Variants in TNRC6A observed in about 807,000 individuals in gnomAD.
The protein encoded by TNRC6A is trinucleotide repeat containing adaptor 6A.
In TNRC6A, 44 loss-of-function variants were observed where a neutral mutation model predicts 221.2. That is an observed-to-expected ratio of 0.20 (90% CI 0.16 to 0.26). The LOEUF (loss-of-function observed/expected upper bound fraction) is 0.26, where lower values mean the gene tolerates loss of function less well. Among genes scored for constraint, TNRC6A ranks in the 10% least tolerant of loss-of-function variants. The probability of loss-of-function intolerance (pLI) is 1.00; values close to 1 mark genes in which losing one functional copy is unlikely to be tolerated. For synonymous variants in TNRC6A, 847 were observed against 838.5 expected (o/e 1.01, Z -0.18); for missense variants, 2,199 against 2,404.4 (o/e 0.91, Z 1.79).
At chr16:24,762,395 T>C (rs1279395659) in intron 4 of TNRC6A, among the ~76,000 whole-genome samples, 1 of 152,260 alleles carries the variant, frequency 6.6e-6, no homozygotes, top group Non-Finnish European at 1.5e-5. Flanking sequence ...GCACCTTCTA[T>C]GTGCCAGGCA....
chr16:24,710,779 G>A lies in TNRC6A; in HGVS notation n.403-39947G>A, dbSNP rs184765248. 2.7e-3 allele frequency among the ~76,000 whole-genome samples: 405 copies of A among 148,538 alleles called. 3 individuals carry two copies. The highest frequency in any genetic ancestry group is 3.1e-3 in the Non-Finnish European group (211 of 67,480). ...CTCTGTCGCCCAGGCTGGTGCGATC[G>A]TGGCTCACTGCAACCTCCGCCTCCC... On this transcript the variant is annotated intron_variant and non_coding_transcript_variant, in intron 2 of 2. Transcript: ENST00000566108.
chr16:24,715,001 C>T (rs1170648797), intron 2 of TNRC6A, among the ~76,000 whole-genome samples: 3 of 151,732 alleles, frequency 2.0e-5, no homozygotes, highest in African/African-American at 4.8e-5. Context: ...CTCAGCCTCC[C>T]GAGTAGCTGT....
chr16:24,728,678 ATTG>A (rs1399059280), upstream of TNRC6A, among the ~76,000 whole-genome samples: 17 of 152,314 alleles, frequency 1.1e-4, no homozygotes, highest in African/African-American at 3.4e-4. Flanking sequence ...ATGTATGTGT[ATTG>A]TTGTATCTAC....
chr16:24,702,974 G>T (rs1299627676), intron 2 of TNRC6A, among the ~76,000 whole-genome samples: 1 of 152,056 alleles, frequency 6.6e-6, no homozygotes, highest in Non-Finnish European at 1.5e-5. Context: ...GGCAGAGCTT[G>T]CAGTGAGCCG....
chr16:24,687,846 A>AGAG (rs1276653933), intron 2 of TNRC6A, among the ~76,000 whole-genome samples: 250 of 146,938 alleles, frequency 1.7e-3, no homozygotes, highest in Non-Finnish European at 2.6e-3. Flanking sequence ...AGGAAGAGGA[A>AGAG]GAAGAAGAAG....
chr16:24,709,755 G>GTCGAT, intron 2 of TNRC6A, among the ~76,000 whole-genome samples: 1 of 146,340 alleles, frequency 6.8e-6, no homozygotes, highest in East Asian at 2.1e-4. Context: ...AGCCCAGGAG[G>GTCGAT]TCGAGACTGC....
intron 1 of TNRC6A, among the ~76,000 whole-genome samples, chr16:24,639,498 A>G (rs1361286282): frequency 6.6e-6 from 1 of 152,160 alleles, no homozygotes; most frequent in African/African-American, 2.4e-5. Context: ...CTCTCAAAAA[A>G]CATGAGAAAG....
intron 2 of TNRC6A, among the ~76,000 whole-genome samples, chr16:24,735,107 C>T (rs1459635146): frequency 2.6e-5 from 4 of 152,130 alleles, no homozygotes; most frequent in Non-Finnish European, 5.9e-5. Flanking sequence ...CATGGTGAGA[C>T]CCCGTCTCTA....
chr16:24,733,850 C>T lies in TNRC6A; in HGVS notation c.53+3550C>T, dbSNP rs534448105. On this transcript the variant is annotated intron_variant, in intron 2 of 24. Transcript: ENST00000395799. Reference sequence around the variant, plus strand: ...GAAAACTAGCGATCTAGGCAAGAAGCGATGGAGGCCTGAATTGAAGTGGTG... The same window carrying T: ...GAAAACTAGCGATCTAGGCAAGAAGTGATGGAGGCCTGAATTGAAGTGGTG... Among the ~76,000 whole-genome samples the T allele has an allele frequency of 5.3e-5, 8 of 152,184 alleles. No homozygotes were observed. In the South Asian group the frequency reaches 6.2e-4, roughly 12 times the overall value.
rs578002884 is a variant in TNRC6A, at chr16:24,826,069, T to C, written c.*2262T>C. 8 of 152,822 alleles carry C rather than the reference T, an allele frequency of 5.2e-5. No individual in the cohort carries two copies. The East Asian group carries it at 5.8e-4, about 11-fold the overall frequency. The allele number at this position is 152,822 out of a possible 1,614,324, so 9.5% of individuals were successfully genotyped here. A position where few individuals can be genotyped will look rare whatever the true frequency, so the allele number is the denominator to read the frequency against. On this transcript the variant is annotated 3_prime_UTR_variant, in exon 25 of 25. Transcript: ENST00000395799. ...AACCAAAGGTAGCTTTGAAAAACCA[T>C]GTCTGGAAATGTTTGGAGCGTTAAG...
At chr16:24,776,175 A>G (rs2057714278) in intron 4 of TNRC6A, 1 of 812,374 alleles carries the variant, frequency 1.2e-6, no homozygotes, top group Non-Finnish European at 1.5e-6. Flanking sequence ...AACTGGGTTT[A>G]CTTACACTAG....
Position 24,804,710 on chromosome 16 carries a change from C to T in TNRC6A, c.3843C>T (p.Gly1281=). 1 of 1,588,740 alleles carries T rather than the reference C, an allele frequency of 6.3e-7. No individual in the cohort carries two copies. The highest frequency in any genetic ancestry group is 8.5e-7 in the Non-Finnish European group (1 of 1,173,374). Residue 1281 remains glycine, a synonymous_variant, in exon 13 of 25, where the codon GGC becomes GGT. Transcript: ENST00000395799. ...CTTTCTGTCTGTCCAATCAGGATGGCATTGTAGCAGATGAATCCCAAAACA... is the reference window on the plus strand; with the variant it reads ...CTTTCTGTCTGTCCAATCAGGATGGTATTGTAGCAGATGAATCCCAAAACA... The part of the protein sequence containing the change: ...MERNPYFDKD[G]IVADESQNMQ...
rs72768669 is a variant in TNRC6A, at chr16:24,735,345, A to G, written c.53+5045A>G. On this transcript the variant is annotated intron_variant, in intron 2 of 24. Transcript: ENST00000395799. ...CCCAAGGCATTAGGTCTCCGTAGCTAAGGTGGATCCCACTCATGCAATTCA... is the reference window on the plus strand; with the variant it reads ...CCCAAGGCATTAGGTCTCCGTAGCTGAGGTGGATCCCACTCATGCAATTCA... Among the ~76,000 whole-genome samples the G allele has an allele frequency of 2.0e-4, 31 of 152,296 alleles. 1 individual carries two copies. In the South Asian group the frequency reaches 5.6e-3, roughly 28 times the overall value.
At chr16:24,781,043 C>T (rs200669982) in intron 5 of TNRC6A, among the ~76,000 whole-genome samples, 6 of 53,428 alleles carry the variant, frequency 1.1e-4, no homozygotes, top group African/African-American at 2.6e-4. Flanking sequence ...CCTCCATACT[C>T]TTTTTTTTTT....
chr16:24,665,067 T>C lies in TNRC6A; in HGVS notation n.402+24058T>C, dbSNP rs1312968709. On this transcript the variant is annotated intron_variant and non_coding_transcript_variant, in intron 2 of 2. Transcript: ENST00000566108. The stretch of plus-strand genomic sequence containing the variant: ...ACAAACTAACTTATTTATTTATTTG[T>C]TTGTTTATTTATGTTAGAGACAAGG... 6.8e-6 allele frequency: 3 copies of C among 443,504 alleles called. 1 individual carries two copies. In the Admixed American group the frequency reaches 7.2e-5, roughly 11 times the overall value. 27.5% of individuals were successfully genotyped at this position (443,504 alleles called of 1,614,324 possible).
chr16:24,785,460 T>C (rs1341793995), intron 5 of TNRC6A, among the ~76,000 whole-genome samples: 1 of 152,246 alleles, frequency 6.6e-6, no homozygotes, highest in Non-Finnish European at 1.5e-5. Flanking sequence ...CCTGTTACTT[T>C]ATGGCTGTTA....
In TNRC6A at chr16:24,816,976, C is replaced by T; in HGVS notation, c.4972+20C>T. The T allele has an allele frequency of 6.2e-7, 1 of 1,605,388 alleles. No homozygotes were observed. Among genetic ancestry groups the T allele is most frequent in the Middle Eastern group, 1.7e-4 (1 of 6,030 alleles). On this transcript the variant is annotated intron_variant, in intron 20 of 24. Coordinates refer to ENST00000395799, the MANE Select transcript of TNRC6A (RefSeq NM_014494.4). ...ACAGTGGTACGTAGGGGGTGCAAATCAATTTCTGAGTGACACTTAACACAG... is the reference window on the plus strand; with the variant it reads ...ACAGTGGTACGTAGGGGGTGCAAATTAATTTCTGAGTGACACTTAACACAG...
At chr16:24,660,739 C>CTTTTTTTTT (rs58299677) in intron 2 of TNRC6A, among the ~76,000 whole-genome samples, 27 of 91,288 alleles carry the variant, frequency 3.0e-4, no homozygotes, top group East Asian at 7.4e-4. Context: ...TTTTTTTTTT[C>CTTTTTTTTT]TTTTTTTTTT....
At chr16:24,748,715 C>A (rs2057068786) in intron 2 of TNRC6A, among the ~76,000 whole-genome samples, 1 of 152,092 alleles carries the variant, frequency 6.6e-6, no homozygotes, top group Non-Finnish European at 1.5e-5. Context: ...AATCTCATTG[C>A]AGCGCACCTA....
Sources: allele counts gnomAD v4.1 joint callset (sites outside exome capture counted in the v4.1 genomes callset), GRCh38; gene constraint gnomAD v4.1.1; transcripts MANE v1.5; gene names NCBI Gene and HGNC (gene_info 2026-07-23, HGNC 2026-07-21).